Variants in SNX25 observed in about 807,000 individuals in gnomAD.
SNX25 encodes sorting nexin 25, also known as sorting nexin-25.
A neutral mutation model predicts 113.7 loss-of-function variants in SNX25; 62 were observed. The ratio of observed to expected loss-of-function variants is 0.55; its 90% CI spans 0.44 to 0.67. The LOEUF (loss-of-function observed/expected upper bound fraction) is 0.67, where lower values mean the gene tolerates loss of function less well. Among genes scored for constraint, SNX25 ranks in the 30% least tolerant of loss-of-function variants. The pLI is 0.00. For missense variants in SNX25, 1,014 were observed against 1,161.0 expected, an observed-to-expected ratio of 0.87 and a Z score of 1.84; for synonymous variants, 421 against 436.2, an observed-to-expected ratio of 0.97 and a Z score of 0.43.
the SNX25 span, chr4:185,377,009 T>C: frequency 6.2e-7 from 1 of 1,609,882 alleles, no homozygotes; most frequent in Non-Finnish European, 8.5e-7. Flanking sequence ...CAAATTAGCA[T>C]GGGTGTAATC....
intron 10 of SNX25, 104 bp from the exon 11 acceptor site, chr4:185,339,275 G>T (rs536174640): frequency 9.3e-7 from 1 of 1,074,124 alleles, no homozygotes; most frequent in South Asian, 1.8e-5. Flanking sequence ...TTAGTGTATC[G>T]AAACACAGCT....
intron 6 of SNX25, among the ~76,000 whole-genome samples, chr4:185,296,790 A>G (rs1276172978): frequency 6.6e-6 from 1 of 152,130 alleles, no homozygotes; most frequent in Non-Finnish European, 1.5e-5. Context: ...TGCTCGCAAA[A>G]TTTTCTTTTC....
At position 185,363,585 on chromosome 4, in the gene SNX25, C is replaced by G; in HGVS notation, c.*120C>G. On this transcript the variant is annotated 3_prime_UTR_variant, in exon 19 of 19. Coordinates refer to ENST00000652585, the MANE Select transcript of SNX25 (RefSeq NM_001378034.2). The surrounding 1 kb of genome is among the most constrained non-coding windows in gnomAD (Gnocchi z 4.2). ...TGATTTTTATTTTAGTTACCTCCCT[C>G]TAGTTTTATGTGAAATTAGTAGAAT... is the stretch of plus-strand genomic sequence containing the variant. The G allele has an allele frequency of 1.1e-6, 1 of 881,464 alleles. No homozygotes were observed. Among genetic ancestry groups the G allele is most frequent in the Non-Finnish European group, 1.8e-6 (1 of 569,900 alleles). 54.6% of individuals were successfully genotyped at this position (881,464 alleles called of 1,614,324 possible).
chr4:185,258,925 C>T lies in SNX25; in HGVS notation c.592C>T (p.Leu198=). ...CAGAGATGAGGGACAACTTTACCAT[C>T]TGCTCTTGGAAGACTTTTGGGAAAT... is the stretch of plus-strand genomic sequence containing the variant. The part of the protein sequence containing the change: ...LSRDEGQLYH[L]LLEDFWEIAR... Residue 198 remains leucine (L), a synonymous_variant, in exon 3 of 19, where the codon CTG becomes TTG. Coordinates refer to ENST00000652585, the MANE Select transcript of SNX25 (RefSeq NM_001378034.2). The T allele has an allele frequency of 6.2e-7, 1 of 1,614,162 alleles. No homozygotes were observed. The highest frequency in any genetic ancestry group is 8.5e-7 in the Non-Finnish European group (1 of 1,180,002).
the SNX25 span, chr4:185,378,429 C>T: frequency 7.5e-7 from 1 of 1,326,426 alleles, no homozygotes; most frequent in South Asian, 1.8e-5. Context: ...TTTTCCACAG[C>T]ATCGCATTCA....
chr4:185,311,980 G>T (rs1264928953), intron 7 of SNX25, among the ~76,000 whole-genome samples: 1 of 152,226 alleles, frequency 6.6e-6, no homozygotes, highest in South Asian at 2.1e-4. Flanking sequence ...TAAAATTTTT[G>T]AGATACTGGC....
At chr4:185,244,528 T>C (rs1002441575) in intron 1 of SNX25, among the ~76,000 whole-genome samples, 32 of 152,220 alleles carry the variant, frequency 2.1e-4, no homozygotes, top group African/African-American at 7.0e-4. Flanking sequence ...AATTTTTTTT[T>C]CTGTGAACTA....
At chr4:185,303,372 C>T (rs186254754) in intron 6 of SNX25, among the ~76,000 whole-genome samples, 192 of 152,156 alleles carry the variant, frequency 1.3e-3, no homozygotes, top group African/African-American at 4.5e-3. Flanking sequence ...AGACATTAAA[C>T]GAAGGTGCAG....
chr4:185,223,741 GAA>G (rs33966647), intron 1 of SNX25, among the ~76,000 whole-genome samples: 76,556 of 146,646 alleles, frequency 0.52, 20,119 homozygotes, highest in East Asian at 0.75. Context: ...AGATCGTGCC[GAA>G]AAAAAAAAAA....
chr4:185,315,201 C>T (rs1412092240), intron 7 of SNX25, among the ~76,000 whole-genome samples: 2 of 150,404 alleles, frequency 1.3e-5, no homozygotes, highest in Non-Finnish European at 3.0e-5. Flanking sequence ...GCACTCCAGC[C>T]TCAGAGACAG....
At position 185,323,542 on chromosome 4, in the gene SNX25, A is replaced by G. The variant is rs767059444; in HGVS notation, c.1491A>G (p.Gln497=). The G allele has an allele frequency of 6.2e-7, 1 of 1,610,946 alleles. No individual in the cohort carries two copies. Among genetic ancestry groups the G allele is most frequent in the Admixed American group, 1.7e-5 (1 of 59,438 alleles). Residue 497 remains glutamine, a synonymous_variant, in exon 9 of 19, where the codon CAA becomes CAG. Coordinates refer to ENST00000652585, the MANE Select transcript of SNX25 (RefSeq NM_001378034.2). ...LKNANKNEIP[Q]LVGEIYQNFF... ...TGTCTTTTCAGAATGAAATTCCACA[A>G]TTAGTTGGTGAAATTTATCAGAATT...
chr4:185,276,054 T>C (rs1365799381), intron 5 of SNX25, among the ~76,000 whole-genome samples: 4 of 152,064 alleles, frequency 2.6e-5, no homozygotes, highest in Non-Finnish European at 5.9e-5. Flanking sequence ...GAACACACAT[T>C]ATTTTCATTT....
intron 7 of SNX25, among the ~76,000 whole-genome samples, chr4:185,314,966 C>T (rs1232080126): frequency 1.3e-5 from 2 of 151,632 alleles, no homozygotes; most frequent in African/African-American, 2.4e-5. Context: ...CGGTGGCTCA[C>T]GCCTGTAGTC....
At chr4:185,219,436 G>A (rs967167030) in intron 1 of SNX25, among the ~76,000 whole-genome samples, 1 of 152,004 alleles carries the variant, frequency 6.6e-6, no homozygotes, top group Non-Finnish European at 1.5e-5. Context: ...GTGGGCGCCT[G>A]TAGTCCCAGC....
intron 5 of SNX25, among the ~76,000 whole-genome samples, chr4:185,274,245 G>A (rs748237445): frequency 7.9e-5 from 12 of 152,054 alleles, no homozygotes; most frequent in Non-Finnish European, 1.8e-4. Flanking sequence ...ATCTTTAGTA[G>A]AGACAGGATT....
chr4:185,372,781 A>AGG, downstream of SNX25: 1 of 1,291,956 alleles, frequency 7.7e-7, no homozygotes, highest in Non-Finnish European at 1.1e-6. Flanking sequence ...TGTGAGAAAT[A>AGG]AATTTCTGTT....
chr4:185,335,314 T>TCACACACACA (rs1491499009), intron 10 of SNX25, among the ~76,000 whole-genome samples: 1 of 74,088 alleles, frequency 1.3e-5, no homozygotes, highest in East Asian at 3.2e-4. Flanking sequence ...AGTGAAAAAG[T>TCACACACACA]CTCACACACA....
chr4:185,274,487 A>T (rs898399128), intron 5 of SNX25, among the ~76,000 whole-genome samples: 2 of 152,224 alleles, frequency 1.3e-5, no homozygotes, highest in African/African-American at 4.8e-5. Context: ...CTAGTTAAAA[A>T]ATAGAGGATT....
chr4:185,240,137 ACAAAATGAAAAGTCTCC>A (rs1743494922), intron 1 of SNX25, among the ~76,000 whole-genome samples: 1 of 151,956 alleles, frequency 6.6e-6, no homozygotes, highest in South Asian at 2.1e-4. Context: ...TTAGTACAGA[ACAAAATGAAAAGTCTCC>A]CATGTCTACC....
Sources: allele counts gnomAD v4.1 joint callset (sites outside exome capture counted in the v4.1 genomes callset), GRCh38; gene constraint gnomAD v4.1.1; non-coding constraint Gnocchi (gnomAD v3.1); transcripts MANE v1.5; gene names NCBI Gene and HGNC (gene_info 2026-07-23, HGNC 2026-07-21).